BNC2: variants seen among roughly 807,000 people sequenced by gnomAD.
BNC2 encodes basonuclin zinc finger protein 2, also known as zinc finger protein basonuclin-2.
BNC2 carries 20 observed loss-of-function variants against 76.3 expected under a neutral mutation model. That is an observed-to-expected ratio of 0.26 (90% CI 0.18 to 0.38). The LOEUF (loss-of-function observed/expected upper bound fraction) is 0.38. Among genes scored for constraint, BNC2 ranks in the 10% least tolerant of loss-of-function variants. The probability of loss-of-function intolerance (pLI) is 1.00; values close to 1 mark genes in which losing one functional copy is unlikely to be tolerated. For synonymous variants in BNC2, 582 were observed against 514.8 expected (o/e 1.13, Z -1.77); for missense variants, 1,382 against 1,399.8 (o/e 0.99, Z 0.20).
intron 1 of BNC2, among the ~76,000 whole-genome samples, chr9:16,788,417 G>C (rs1240891311): frequency 2.6e-5 from 4 of 152,060 alleles, no homozygotes; most frequent in Non-Finnish European, 2.9e-5. Flanking sequence ...GCCGGGCGTG[G>C]TGGTAGGCTC....
intron 1 of BNC2, among the ~76,000 whole-genome samples, chr9:16,742,531 C>A (rs1407979662): frequency 6.6e-6 from 1 of 150,586 alleles, no homozygotes; most frequent in African/African-American, 2.5e-5. Flanking sequence ...CAGACAAAGA[C>A]ATTCATCTAC....
intron 4 of BNC2, among the ~76,000 whole-genome samples, chr9:16,565,347 C>A (rs1235059926): frequency 6.6e-6 from 1 of 152,170 alleles, no homozygotes; most frequent in African/African-American, 2.4e-5. Context: ...GCCCTCTGAT[C>A]TGCCCAAAGT....
intron 5 of BNC2, among the ~76,000 whole-genome samples, chr9:16,533,233 T>C (rs1029307553): frequency 1.3e-5 from 2 of 152,170 alleles, no homozygotes; most frequent in Non-Finnish European, 1.5e-5. Context: ...ATATGACAAA[T>C]GAAATATATG....
chr9:16,663,095 T>TTCCAGTGA (rs1822157628), intron 3 of BNC2, among the ~76,000 whole-genome samples: 1 of 148,982 alleles, frequency 6.7e-6, no homozygotes, highest in African/African-American at 2.5e-5. Flanking sequence ...GCTCGCTCAA[T>TTCCAGTGA]TCCAGTGATC....
At chr9:16,676,790 G>C (rs543960627) in intron 3 of BNC2, among the ~76,000 whole-genome samples, 1 of 152,092 alleles carries the variant, frequency 6.6e-6, no homozygotes, top group East Asian at 1.9e-4. Context: ...GTGAGAACAA[G>C]GGAGGAGAAA....
chr9:16,533,837 T>C (rs1466192018), intron 5 of BNC2, among the ~76,000 whole-genome samples: 2 of 152,156 alleles, frequency 1.3e-5, no homozygotes, highest in Non-Finnish European at 2.9e-5. Context: ...TTTTTATAGG[T>C]CTTCCTATAG....
At chr9:16,460,742 C>A (rs1821561240) in intron 5 of BNC2, among the ~76,000 whole-genome samples, 1 of 152,052 alleles carries the variant, frequency 6.6e-6, no homozygotes, top group Non-Finnish European at 1.5e-5. Flanking sequence ...TACCCTGAGC[C>A]TCAGTTACCC....
intron 5 of BNC2, among the ~76,000 whole-genome samples, chr9:16,478,609 G>C (rs1360639413): frequency 6.6e-6 from 1 of 152,162 alleles, no homozygotes; most frequent in Non-Finnish European, 1.5e-5. Flanking sequence ...TAGTGTAACA[G>C]AATATTCAGC....
At chr9:16,534,313 G>A (rs1818068209) in intron 5 of BNC2, among the ~76,000 whole-genome samples, 1 of 152,084 alleles carries the variant, frequency 6.6e-6, no homozygotes, top group East Asian at 1.9e-4. Flanking sequence ...CAATAGTAAT[G>A]CAGGAATGGA....
At chr9:16,524,062 T>G (rs1300494383) in intron 5 of BNC2, among the ~76,000 whole-genome samples, 1 of 152,226 alleles carries the variant, frequency 6.6e-6, no homozygotes, top group African/African-American at 2.4e-5. Flanking sequence ...ATAAGCTGCT[T>G]CTTCAATCTC....
In BNC2 at chr9:16,620,114, T is replaced by C. The variant is rs115657363; in HGVS notation, c.331-37029A>G. Among the ~76,000 whole-genome samples the C allele has an allele frequency of 6.6e-3, 1,007 of 152,222 alleles. 8 individuals carry two copies. Among genetic ancestry groups the C allele is most frequent in the African/African-American group, 0.022 (916 of 41,538 alleles). ...TGACAGAACACAGCATTAATGTACT[T>C]AACAAGACAGAGCTAAATTCAATGA... is the stretch of plus-strand genomic sequence containing the variant. On this transcript the variant is annotated intron_variant, in intron 3 of 6. Transcript: ENST00000380672.
intron 3 of BNC2, among the ~76,000 whole-genome samples, chr9:16,722,859 T>C (rs112795643): frequency 0.029 from 4,447 of 152,280 alleles, 200 homozygotes; most frequent in African/African-American, 0.098. Flanking sequence ...AGTCTGCATG[T>C]TATCCATAGA....
At chr9:16,539,920 G>A (rs988607136) in intron 5 of BNC2, among the ~76,000 whole-genome samples, 1 of 151,594 alleles carries the variant, frequency 6.6e-6, no homozygotes, top group African/African-American at 2.4e-5. Context: ...AAGGAATAGA[G>A]GATCATATTT....
chr9:16,478,015 T>C (rs1424436547), intron 5 of BNC2, among the ~76,000 whole-genome samples: 1 of 152,108 alleles, frequency 6.6e-6, no homozygotes, highest in Admixed American at 6.5e-5. Context: ...TGCAAACAGA[T>C]GACAGGAGTA....
chr9:16,839,231 G>C (rs1227363418), intron 1 of BNC2, among the ~76,000 whole-genome samples: 4 of 152,168 alleles, frequency 2.6e-5, no homozygotes, highest in Admixed American at 1.3e-4. Flanking sequence ...ATACATATCT[G>C]AAAGTAATCT....
chr9:16,763,106 G>T (rs1586863852), intron 1 of BNC2, among the ~76,000 whole-genome samples: 2 of 152,248 alleles, frequency 1.3e-5, no homozygotes, highest in South Asian at 4.2e-4. Context: ...ACCCAAAACG[G>T]CTCTCTAGCT....
chr9:16,819,638 C>T (rs990422242), intron 1 of BNC2, among the ~76,000 whole-genome samples: 1 of 151,932 alleles, frequency 6.6e-6, no homozygotes, highest in African/African-American at 2.4e-5. Context: ...GACTGGGTGA[C>T]AGAGCAAGAT....
intron 3 of BNC2, among the ~76,000 whole-genome samples, chr9:16,635,297 T>A (rs779828916): frequency 6.6e-6 from 1 of 152,204 alleles, no homozygotes; most frequent in Non-Finnish European, 1.5e-5. Flanking sequence ...TGAACACTAG[T>A]AGGTTAACAG....
chr9:16,672,439 G>C (rs1331139037), intron 3 of BNC2, among the ~76,000 whole-genome samples: 1 of 152,168 alleles, frequency 6.6e-6, no homozygotes, highest in Non-Finnish European at 1.5e-5. Context: ...AGAGTTTGCA[G>C]TGAGCAGAGA....
Sources: allele counts gnomAD v4.1 joint callset (sites outside exome capture counted in the v4.1 genomes callset), GRCh38; gene constraint gnomAD v4.1.1; transcripts MANE v1.5; gene names NCBI Gene and HGNC (gene_info 2026-07-23, HGNC 2026-07-21).